The following PLD1 variants were observed in gnomAD, a reference collection of about 807,000 sequenced individuals.
PLD1 encodes phospholipase D1, also known as choline phosphatase 1.
Under a neutral mutation model 137.1 loss-of-function variants are expected in PLD1, and 112 were observed. That is an observed-to-expected ratio of 0.82 (90% CI 0.70 to 0.96). The LOEUF (loss-of-function observed/expected upper bound fraction) is 0.96, where lower values mean the gene tolerates loss of function less well. Ranked by LOEUF, PLD1 falls within the 40% of genes least tolerant of loss-of-function variation. PLD1 has a pLI of 0.00. For missense variants in PLD1, 1,321 were observed against 1,342.0 expected, an observed-to-expected ratio of 0.98 and a Z score of 0.24; for synonymous variants, 431 against 454.7, an observed-to-expected ratio of 0.95 and a Z score of 0.66.
chr3:171,767,332 G>A (rs945347788), intron 1 of PLD1, among the ~76,000 whole-genome samples: 2 of 152,174 alleles, frequency 1.3e-5, no homozygotes, highest in Non-Finnish European at 2.9e-5. Context: ...CACTGGTCAC[G>A]AGCAGAGTAG....
intron 8 of PLD1, among the ~76,000 whole-genome samples, chr3:171,722,712 C>T (rs757221524): frequency 8.5e-5 from 13 of 152,066 alleles, no homozygotes; most frequent in Non-Finnish European, 1.3e-4. Flanking sequence ...TATCATAAAA[C>T]GTACCTTTTA....
chr3:171,621,805 C>T (rs1299684483), intron 23 of PLD1, among the ~76,000 whole-genome samples: 2 of 152,144 alleles, frequency 1.3e-5, no homozygotes, highest in Admixed American at 1.3e-4. Flanking sequence ...GAAGAATCAC[C>T]TCCTTTTTTA....
At chr3:171,642,406 G>A (rs1397249939) in intron 23 of PLD1, among the ~76,000 whole-genome samples, 1 of 146,884 alleles carries the variant, frequency 6.8e-6, no homozygotes, top group African/African-American at 2.6e-5. Context: ...GCAGTGAGCT[G>A]GGACCACACC....
chr3:171,756,554 G>C (rs768079098), intron 1 of PLD1, among the ~76,000 whole-genome samples: 2 of 152,152 alleles, frequency 1.3e-5, no homozygotes, highest in African/African-American at 4.8e-5. Flanking sequence ...GGTTCGGGGG[G>C]AAGAAAGGAT....
intron 8 of PLD1, among the ~76,000 whole-genome samples, chr3:171,719,120 C>T (rs902792902): frequency 3.2e-4 from 49 of 152,178 alleles, no homozygotes; most frequent in African/African-American, 1.2e-3. Context: ...GTTGCTGTTC[C>T]TCTGCGTAAA....
intron 23 of PLD1, among the ~76,000 whole-genome samples, chr3:171,620,742 C>CTCTATATATATA (rs1473647659): frequency 3.2e-4 from 30 of 94,780 alleles, no homozygotes; most frequent in Non-Finnish European, 4.3e-4. Context: ...CTCTCTCTCT[C>CTCTATATATATA]TATATATATA....
At chr3:171,802,859 G>C (rs1453937395) in intron 1 of PLD1, among the ~76,000 whole-genome samples, 6 of 152,166 alleles carry the variant, frequency 3.9e-5, no homozygotes, top group African/African-American at 1.4e-4. Flanking sequence ...ATGTGGCCAG[G>C]GTCCAGCAGC....
At chr3:171,786,904 C>T (rs1476950973) in intron 1 of PLD1, among the ~76,000 whole-genome samples, 2 of 152,122 alleles carry the variant, frequency 1.3e-5, no homozygotes, top group African/African-American at 2.4e-5. Flanking sequence ...GCAGTGCCTC[C>T]GTAGTGATGC....
At chr3:171,609,427 T>A (rs1430872476) in intron 25 of PLD1, among the ~76,000 whole-genome samples, 1 of 152,074 alleles carries the variant, frequency 6.6e-6, no homozygotes, top group Admixed American at 6.6e-5. Context: ...CCTGCACTTG[T>A]ATGTTTATCA....
At chr3:171,781,601 A>G (rs574710348) in intron 1 of PLD1, among the ~76,000 whole-genome samples, 1 of 152,346 alleles carries the variant, frequency 6.6e-6, no homozygotes, top group African/African-American at 2.4e-5. Context: ...TCCACAAAGG[A>G]AGACAGACTC....
At chr3:171,676,056 G>T (rs1481257799) in intron 18 of PLD1, among the ~76,000 whole-genome samples, 1 of 151,998 alleles carries the variant, frequency 6.6e-6, no homozygotes, top group African/African-American at 2.4e-5. Flanking sequence ...TGGTCAGGCT[G>T]GTCTCGAACT....
intron 1 of PLD1, among the ~76,000 whole-genome samples, chr3:171,758,429 C>T (rs1721175893): frequency 6.6e-6 from 1 of 152,192 alleles, no homozygotes; most frequent in Non-Finnish European, 1.5e-5. Flanking sequence ...TTATTGCTCA[C>T]CTTTCCCCAC....
At chr3:171,726,405 T>C (rs973527293) in intron 6 of PLD1, among the ~76,000 whole-genome samples, 1 of 152,188 alleles carries the variant, frequency 6.6e-6, no homozygotes, top group Non-Finnish European at 1.5e-5. Flanking sequence ...GGGATGGATA[T>C]TGTGTGGCAC....
intron 4 of PLD1, 86 bp downstream of exon 4, chr3:171,735,406 G>A (rs1719281094): frequency 3.6e-6 from 4 of 1,120,648 alleles, no homozygotes; most frequent in Non-Finnish European, 5.4e-6. Context: ...AAAGTGGTGA[G>A]ATTACAGGTG....
chr3:171,771,401 G>T (rs886219644), intron 1 of PLD1: 3 of 152,206 alleles, frequency 2.0e-5, no homozygotes, highest in South Asian at 2.1e-4. Context: ...AGCCCACAAA[G>T]CACTTTAGCC....
intron 6 of PLD1, among the ~76,000 whole-genome samples, chr3:171,727,970 G>A (rs976574635): frequency 5.3e-5 from 8 of 152,122 alleles, no homozygotes; most frequent in African/African-American, 1.2e-4. Flanking sequence ...AAAATCCTAA[G>A]TCAAAGGTAT....
intron 18 of PLD1, among the ~76,000 whole-genome samples, chr3:171,675,843 C>CTTT: frequency 7.2e-6 from 1 of 138,688 alleles, no homozygotes; most frequent in African/African-American, 2.7e-5. Flanking sequence ...TGAATATGTA[C>CTTT]TTTTTTTTTT....
chr3:171,698,811 C>CAAAA (rs11359377), intron 12 of PLD1, among the ~76,000 whole-genome samples: 1 of 103,964 alleles, frequency 9.6e-6, no homozygotes, highest in African/African-American at 3.5e-5. Flanking sequence ...TACAAAAATA[C>CAAAA]AAAAAAAAAA....
At chr3:171,667,043 C>T (rs1332035756) in intron 19 of PLD1, among the ~76,000 whole-genome samples, 1 of 152,158 alleles carries the variant, frequency 6.6e-6, no homozygotes, top group African/African-American at 2.4e-5. Flanking sequence ...TCCCAAATTC[C>T]CTTCCTTTCT....
Sources: allele counts gnomAD v4.1 joint callset (sites outside exome capture counted in the v4.1 genomes callset), GRCh38; gene constraint gnomAD v4.1.1; transcripts MANE v1.5; gene names NCBI Gene and HGNC (gene_info 2026-07-23, HGNC 2026-07-21).